Variants in ADCY8 observed in about 807,000 individuals in gnomAD.
ADCY8 encodes the protein adenylate cyclase 8.
A neutral mutation model predicts 119.7 loss-of-function variants in ADCY8; 51 were observed. That is an observed-to-expected ratio of 0.43 (90% CI 0.34 to 0.54). The LOEUF (loss-of-function observed/expected upper bound fraction) is 0.54. Among genes scored for constraint, ADCY8 ranks in the 20% least tolerant of loss-of-function variants. ADCY8 has a pLI of 0.03. For missense variants in ADCY8, 1,383 were observed against 1,598.8 expected (o/e 0.87, Z 2.30); for synonymous variants, 665 against 651.0 (o/e 1.02, Z -0.33).
intron 9 of ADCY8, among the ~76,000 whole-genome samples, chr8:130,859,823 TCC>T (rs1817867830): frequency 6.6e-6 from 1 of 152,156 alleles, no homozygotes; most frequent in East Asian, 1.9e-4. Context: ...TTCCCCAAGC[TCC>T]TCTCACCTAA....
At chr8:131,035,443 G>A (rs1824123989) in intron 1 of ADCY8, among the ~76,000 whole-genome samples, 1 of 152,148 alleles carries the variant, frequency 6.6e-6, no homozygotes, top group African/African-American at 2.4e-5. Context: ...TAATTGAGTA[G>A]AGAAAACATA....
At chr8:130,897,906 T>A (rs1819459584) in intron 7 of ADCY8, among the ~76,000 whole-genome samples, 1 of 150,670 alleles carries the variant, frequency 6.6e-6, no homozygotes, top group Non-Finnish European at 1.5e-5. Flanking sequence ...CACATATACA[T>A]GCACACTACA....
chr8:131,036,555 C>T (rs1195964337), intron 1 of ADCY8, among the ~76,000 whole-genome samples: 1 of 152,118 alleles, frequency 6.6e-6, no homozygotes, highest in Non-Finnish European at 1.5e-5. Context: ...ACATCCTTGC[C>T]CTTATGGTGT....
At chr8:130,966,314 G>A (rs1309906732) in intron 2 of ADCY8, among the ~76,000 whole-genome samples, 1 of 152,128 alleles carries the variant, frequency 6.6e-6, no homozygotes, top group Non-Finnish European at 1.5e-5. Context: ...TAACATGTCT[G>A]AATAAGAACT....
intron 1 of ADCY8, among the ~76,000 whole-genome samples, chr8:131,009,649 A>G (rs1456045181): frequency 1.3e-5 from 2 of 152,236 alleles, no homozygotes; most frequent in African/African-American, 4.8e-5. Flanking sequence ...GAATGGACTA[A>G]CACAAAGACT....
At chr8:130,967,538 G>T (rs1821798055) in intron 2 of ADCY8, among the ~76,000 whole-genome samples, 2 of 152,142 alleles carry the variant, frequency 1.3e-5, no homozygotes, top group Non-Finnish European at 2.9e-5. Context: ...CCTTATAAAG[G>T]TGATTAGAAA....
At chr8:130,860,596 G>C (rs964477408) in intron 9 of ADCY8, among the ~76,000 whole-genome samples, 8 of 152,094 alleles carry the variant, frequency 5.3e-5, no homozygotes, top group African/African-American at 1.9e-4. Flanking sequence ...ATAGGTTCAA[G>C]TTTTTGCATA....
intron 2 of ADCY8, among the ~76,000 whole-genome samples, chr8:130,954,468 G>C (rs895461039): frequency 6.6e-6 from 1 of 152,150 alleles, no homozygotes; most frequent in Non-Finnish European, 1.5e-5. Context: ...GTTCATAAAA[G>C]TGCAGCTGCC....
intron 13 of ADCY8, among the ~76,000 whole-genome samples, chr8:130,819,190 G>C (rs572090115): frequency 3.3e-5 from 5 of 152,154 alleles, no homozygotes; most frequent in Non-Finnish European, 5.9e-5. Flanking sequence ...GCAGAGTTGG[G>C]GTTTTAATAC....
At chr8:130,936,628 G>A (rs539525370) in intron 5 of ADCY8, among the ~76,000 whole-genome samples, 28 of 152,214 alleles carry the variant, frequency 1.8e-4, no homozygotes, top group South Asian at 4.1e-4. Flanking sequence ...TTTCTATTCC[G>A]GAAAGCCTTC....
intron 1 of ADCY8, among the ~76,000 whole-genome samples, chr8:131,005,613 GT>G (rs1191235239): frequency 1.3e-5 from 2 of 152,158 alleles, no homozygotes; most frequent in African/African-American, 4.8e-5. Context: ...TTCATCTTTA[GT>G]TTCCATTTGG....
intron 7 of ADCY8, among the ~76,000 whole-genome samples, chr8:130,893,657 G>GGT (rs113157821): frequency 0.052 from 7,706 of 148,866 alleles, 422 homozygotes; most frequent in African/African-American, 0.14. Flanking sequence ...GGGAGAAGAA[G>GGT]GTGTGTGTGT....
chr8:130,800,241 T>G (rs1313598193), intron 15 of ADCY8, among the ~76,000 whole-genome samples, 185 bp downstream of exon 15: 1 of 151,652 alleles, frequency 6.6e-6, no homozygotes, highest in Non-Finnish European at 1.5e-5. Flanking sequence ...AATAGGGAAA[T>G]AATAGCATTT....
intron 5 of ADCY8, chr8:130,935,532 T>A (rs7012698): frequency 2.0e-5 from 3 of 152,284 alleles, no homozygotes; most frequent in African/African-American, 7.2e-5. Flanking sequence ...TCCCTGTGCC[T>A]GGTCTGGTGA....
At chr8:131,027,345 C>A (rs1480081081) in intron 1 of ADCY8, among the ~76,000 whole-genome samples, 2 of 152,136 alleles carry the variant, frequency 1.3e-5, no homozygotes, top group African/African-American at 4.8e-5. Flanking sequence ...TCCTAGAAAA[C>A]ACACACAGGC....
chr8:130,957,160 A>G (rs1396226153), intron 2 of ADCY8, among the ~76,000 whole-genome samples: 2 of 152,176 alleles, frequency 1.3e-5, no homozygotes, highest in Admixed American at 1.3e-4. Flanking sequence ...GACTTGTTGA[A>G]TGGCTTTGAC....
At chr8:131,026,832 C>T (rs540651058) in intron 1 of ADCY8, among the ~76,000 whole-genome samples, 56 of 152,270 alleles carry the variant, frequency 3.7e-4, no homozygotes, top group Non-Finnish European at 5.7e-4. Context: ...TCCTCTTTAC[C>T]AGGTTCTGAT....
intron 5 of ADCY8, among the ~76,000 whole-genome samples, chr8:130,912,429 C>T (rs1820010152): frequency 1.3e-5 from 2 of 152,104 alleles, no homozygotes; most frequent in South Asian, 2.1e-4. Flanking sequence ...ATAAGGTCCT[C>T]GAAGGCATTA....
At chr8:130,799,517 CT>C (rs778674300) in intron 15 of ADCY8, among the ~76,000 whole-genome samples, 4 of 152,262 alleles carry the variant, frequency 2.6e-5, no homozygotes, top group Non-Finnish European at 5.9e-5. Context: ...CCCCAAGCCC[CT>C]TTGTGGGGCC....
Sources: gnomAD v4.1 joint callset for allele counts (sites outside exome capture counted in the v4.1 genomes callset) on GRCh38, gnomAD v4.1.1 for gene constraint, MANE v1.5 for transcripts, NCBI Gene and HGNC (gene_info 2026-07-23, HGNC 2026-07-21) for gene names.